The following NBPF12 variants were observed in gnomAD, a reference collection of about 807,000 sequenced individuals.
NBPF12 encodes NBPF family member NBPF12.
Under a neutral mutation model 146.4 loss-of-function variants are expected in NBPF12, and 115 were observed. The observed-to-expected ratio is 0.79, with a 90% CI of 0.68 to 0.92. The LOEUF (loss-of-function observed/expected upper bound fraction) is 0.92. NBPF12 is among the 40% of genes least tolerant of loss of function. The pLI, the probability that NBPF12 is intolerant of heterozygous loss-of-function variation, is 0.00. For synonymous variants in NBPF12, 385 were observed against 508.9 expected, an observed-to-expected ratio of 0.76 and a Z score of 3.28; for missense variants, 1,205 against 1,326.8, an observed-to-expected ratio of 0.91 and a Z score of 1.43.
At chr1:146,965,029 A>C in exon 8 of NBPF12, 1 of 1,608,736 alleles carries the variant, frequency 6.2e-7, no homozygotes, top group East Asian at 2.2e-5. Flanking sequence ...TGAGGAAGAC[A>C]AAGTCAACTC....
Position 146,942,828 on chromosome 1 carries a change from AT to A in NBPF12, c.-821-461del, listed in dbSNP as rs1361566981. On this transcript the variant is annotated intron_variant, in intron 1 of 35. Coordinates refer to the NBPF12 transcript ENST00000617931. Reference sequence around the variant, plus strand: ...CATTAACTACGCCCACACACTCTTAATTCCCTAACAGAAAGAATCGAATTCT... The same window carrying A: ...CATTAACTACGCCCACACACTCTTAATCCCTAACAGAAAGAATCGAATTCT... Among the ~76,000 whole-genome samples the A allele has an allele frequency of 4.0e-5, 6 of 149,146 alleles. No individual in the cohort carries two copies. The East Asian group carries it at 1.2e-3, about 29-fold the overall frequency.
intron 11 of NBPF12, among the ~76,000 whole-genome samples, chr1:146,969,878 G>T (rs1438435739): frequency 6.6e-6 from 1 of 150,948 alleles, no homozygotes; most frequent in Non-Finnish European, 1.5e-5. Flanking sequence ...GCTGTGATGG[G>T]AGGGCGCTTG....
At position 146,971,395 on chromosome 1, in the gene NBPF12, G is replaced by A. The variant is rs1450571736; in HGVS notation, c.1591+1G>A. The A allele has an allele frequency of 6.2e-7, 1 of 1,609,012 alleles. No homozygotes were observed. Among genetic ancestry groups the A allele is most frequent in the Non-Finnish European group, 8.5e-7 (1 of 1,177,856 alleles). ...CAGGATGCTCTAAACATTCTCCCAG[G>A]TAGCCTCTATTTTCCTTGTGTCTCA... On this transcript the variant is annotated splice_donor_variant, in intron 13 of 33. Transcript: ENST00000617844. LOFTEE classifies it high-confidence loss of function.
intron 2 of NBPF12, among the ~76,000 whole-genome samples, chr1:146,952,284 A>T (rs1338001149): frequency 6.6e-6 from 1 of 152,096 alleles, no homozygotes; most frequent in East Asian, 1.9e-4. Flanking sequence ...TGAGCAGCTG[A>T]CAGTGGCTGG....
chr1:146,990,825 AG>A (rs1319809065), intron 29 of NBPF12, among the ~76,000 whole-genome samples: 1 of 94,946 alleles, frequency 1.1e-5, no homozygotes, highest in Non-Finnish European at 2.0e-5. Context: ...GTGTGTCCCG[AG>A]GGCACTAAAT....
chr1:146,964,824 T>C (rs1430216918), intron 7 of NBPF12, 69 bp from the exon 11 acceptor site: 1 of 1,596,794 alleles, frequency 6.3e-7, no homozygotes, highest in Non-Finnish European at 8.6e-7. Flanking sequence ...CAAAACCAGC[T>C]AGGACTCCCT....
intron 4 of NBPF12, among the ~76,000 whole-genome samples, chr1:146,960,798 C>A (rs1655799334): frequency 1.3e-5 from 2 of 151,988 alleles, no homozygotes; most frequent in African/African-American, 2.4e-5. Flanking sequence ...TGAGGGGCTT[C>A]AAGAGGAGTC....
At chr1:146,961,664 C>A (rs1655859011) in intron 4 of NBPF12, among the ~76,000 whole-genome samples, 1 of 151,966 alleles carries the variant, frequency 6.6e-6, no homozygotes, top group Non-Finnish European at 1.5e-5. Flanking sequence ...AGATATGATT[C>A]TTAAAACCAT....
chr1:146,958,029 C>T (rs1291639305), intron 2 of NBPF12, among the ~76,000 whole-genome samples: 1 of 113,000 alleles, frequency 8.8e-6, no homozygotes, highest in African/African-American at 3.0e-5. Context: ...AATACATATA[C>T]ACGTGTATAT....
chr1:146,964,471 A>G (rs1656062933), intron 7 of NBPF12, 42 bp downstream of exon 10: 2 of 1,594,882 alleles, frequency 1.3e-6, no homozygotes, highest in African/African-American at 2.7e-5. Flanking sequence ...GTGGTAACAT[A>G]TGAAAATGTC....
At chr1:146,992,516 ATCTG>A (rs1269173750) in intron 31 of NBPF12, among the ~76,000 whole-genome samples, 192 bp from the exon 35 acceptor site, 3 of 51,562 alleles carry the variant, frequency 5.8e-5, no homozygotes, top group African/African-American at 1.6e-4. Context: ...GTGTGTGTCT[ATCTG>A]TCTTTCTCTT....
chr1:146,967,723 C>T (rs1267901083), intron 9 of NBPF12, among the ~76,000 whole-genome samples: 4 of 150,368 alleles, frequency 2.7e-5, no homozygotes, highest in South Asian at 2.1e-4. Context: ...AGTTTCCTCA[C>T]CTGTTCAGAG....
Position 146,983,240 on chromosome 1 carries a change from A to T in NBPF12, c.2614+149A>T. The T allele has an allele frequency of 1.6e-5, 13 of 817,958 alleles. No individual in the cohort carries two copies. The South Asian group carries it at 1.8e-4, about 11-fold the overall frequency. 50.7% of individuals were successfully genotyped at this position (817,958 alleles called of 1,614,324 possible). On this transcript the variant is annotated intron_variant, in intron 20 of 33. Coordinates refer to ENST00000617844, the Ensembl canonical transcript of NBPF12. ...TCAATGTAGATTTCAATCACTCTGG[A>T]GTCGAGTCTGAAGCACAGGCATGGG...
At chr1:146,968,599 T>C in intron 10 of NBPF12, 49 bp downstream of exon 13, 1 of 1,509,216 alleles carries the variant, frequency 6.6e-7, no homozygotes. Flanking sequence ...TGTAAATCTC[T>C]GAAGTACAAC....
chr1:146,984,577 CTGTG>C (rs1195588193), intron 21 of NBPF12, among the ~76,000 whole-genome samples: 16,850 of 132,592 alleles, frequency 0.13, 1,191 homozygotes, highest in Non-Finnish European at 0.15. Flanking sequence ...TGAGCTCACA[CTGTG>C]TGTGTGTGTG....
At chr1:146,961,039 G>A (rs1407101782) in intron 4 of NBPF12, among the ~76,000 whole-genome samples, 12 of 152,012 alleles carry the variant, frequency 7.9e-5, no homozygotes, top group Admixed American at 2.6e-4. Context: ...ACCACTAATC[G>A]GGTGGCTGAG....
chr1:146,964,877 C>T lies in NBPF12; in HGVS notation c.567-16C>T. On this transcript the variant is annotated splice_polypyrimidine_tract_variant and intron_variant, in intron 7 of 33. Coordinates refer to ENST00000617844, the Ensembl canonical transcript of NBPF12. Reference sequence around the variant, plus strand: ...TGTTTAATCTTCTGTCATCTCTGTCCCACCTGGCTCATCAGGGAGGTGCAG... The same window carrying T: ...TGTTTAATCTTCTGTCATCTCTGTCTCACCTGGCTCATCAGGGAGGTGCAG... 2 of 1,553,830 alleles carry T rather than the reference C, an allele frequency of 1.3e-6. No homozygotes were observed. Among genetic ancestry groups the T allele is most frequent in the South Asian group, 1.1e-5 (1 of 90,048 alleles).
In NBPF12 at chr1:146,968,611, G is replaced by T. The variant is rs1342708449; in HGVS notation, c.1091+61G>T. 74 of 1,498,986 alleles carry T rather than the reference G, an allele frequency of 4.9e-5. No homozygotes were observed. In the African/African-American group the frequency reaches 9.9e-4, roughly 20 times the overall value. The allele number at this position is 1,498,986 out of a possible 1,614,324, so 92.9% of individuals were successfully genotyped here. The stretch of plus-strand genomic sequence containing the variant: ...GTGTGTAAATCTCTGAAGTACAACA[G>T]CTCGGTGGGGAGACTTAAGAGCTAA... On this transcript the variant is annotated intron_variant, in intron 10 of 33. Transcript: ENST00000617844.
upstream of NBPF12, among the ~76,000 whole-genome samples, chr1:146,944,948 T>C (rs1351776662): frequency 2.8e-4 from 8 of 28,554 alleles, no homozygotes; most frequent in Admixed American, 9.2e-4. Context: ...CCCTCCCTTC[T>C]TTTCTTCCTC....
Sources: allele counts gnomAD v4.1 joint callset (sites outside exome capture counted in the v4.1 genomes callset), GRCh38; gene constraint gnomAD v4.1.1; transcripts MANE v1.5; gene names NCBI Gene and HGNC (gene_info 2026-07-23, HGNC 2026-07-21).